Variants in CCDC66 observed in about 807,000 individuals in gnomAD.
CCDC66 encodes the protein coiled-coil domain containing 66, also known as coiled-coil domain-containing protein 66.
Under a neutral mutation model 128.3 loss-of-function variants are expected in CCDC66, and 133 were observed. The ratio of observed to expected loss-of-function variants is 1.04; its 90% confidence interval spans 0.90 to 1.20. The LOEUF is 1.20. Among genes scored for constraint, CCDC66 ranks in the 50% most tolerant of loss-of-function variants. The pLI is 0.00. For missense variants in CCDC66, 1,126 were observed against 1,075.5 expected (o/e 1.05, Z -0.66); for synonymous variants, 387 against 357.0 (o/e 1.08, Z -0.95).
intron 2 of CCDC66, 137 bp from the exon 3 acceptor site, chr3:56,559,432 C>G: frequency 1.8e-6 from 1 of 565,570 alleles, no homozygotes. Flanking sequence ...AATACTCAGT[C>G]AAGATCTAAA....
chr3:56,598,308 C>T (rs1422067248), intron 10 of CCDC66, among the ~76,000 whole-genome samples: 1 of 151,812 alleles, frequency 6.6e-6, no homozygotes, highest in Non-Finnish European at 1.5e-5. Flanking sequence ...CAGGTGTGTG[C>T]CACCATGCCT....
intron 10 of CCDC66, among the ~76,000 whole-genome samples, chr3:56,595,876 C>A (rs1347145209): frequency 6.6e-6 from 1 of 152,118 alleles, no homozygotes; most frequent in East Asian, 1.9e-4. Context: ...TCTCCGCTTC[C>A]TTGGCAGTAT....
intron 16 of CCDC66, 57 bp downstream of exon 16, chr3:56,619,584 C>G: frequency 1.6e-6 from 2 of 1,230,770 alleles, no homozygotes; most frequent in Admixed American, 7.8e-5. Flanking sequence ...TAAACCCCGT[C>G]AACAACTTTA....
At chr3:56,577,877 G>C (rs1401151463) in intron 7 of CCDC66, among the ~76,000 whole-genome samples, 1 of 151,728 alleles carries the variant, frequency 6.6e-6, no homozygotes, top group Non-Finnish European at 1.5e-5. Flanking sequence ...TGTTCTTTTT[G>C]GTTAGGATTG....
intron 10 of CCDC66, among the ~76,000 whole-genome samples, chr3:56,610,898 T>G (rs1290501816): frequency 6.6e-6 from 1 of 152,224 alleles, no homozygotes; most frequent in Non-Finnish European, 1.5e-5. Flanking sequence ...GGGAGTTGTC[T>G]GCACAGAGTG....
At chr3:56,583,954 G>A (rs369677178) in intron 7 of CCDC66, among the ~76,000 whole-genome samples, 3,672 of 133,122 alleles carry the variant, frequency 0.028, 146 homozygotes, top group Middle Eastern at 0.079. Flanking sequence ...CGGACGGGGC[G>A]GCTGGCCGGG....
In CCDC66 at chr3:56,615,130, A is replaced by C; in HGVS notation, c.1569A>C (p.Glu523Asp). The change falls in exon 12 of 18, where the codon GAA (glutamate) becomes GAC (aspartate). Residue 523 changes from glutamate to aspartate, a missense_variant and splice_region_variant. Glu to Asp is a conservative substitution (Grantham distance 45). Transcript: ENST00000394672. ...EDILKQKQKEEIMTLKTNELF... is the reference protein window; with the variant it reads ...EDILKQKQKEDIMTLKTNELF... ...TAGTAACACATCAATATTGACAGGA[A>C]ATCATGACTCTCAAGACAAATGAGC... 6.2e-7 allele frequency: 1 copy of C among 1,613,412 alleles called. No individual in the cohort carries two copies. The highest frequency in any genetic ancestry group is 8.5e-7 in the Non-Finnish European group (1 of 1,179,784).
At chr3:56,600,600 G>A (rs1036378245) in intron 10 of CCDC66, among the ~76,000 whole-genome samples, 1 of 151,996 alleles carries the variant, frequency 6.6e-6, no homozygotes, top group Non-Finnish European at 1.5e-5. Flanking sequence ...CCCACCAACA[G>A]TGTAAAAGCG....
intron 8 of CCDC66, 65 bp downstream of exon 8, chr3:56,593,166 C>CT: frequency 7.7e-7 from 1 of 1,295,742 alleles, no homozygotes. Context: ...TCAATTAAAA[C>CT]TAGAAGTATT....
intron 6 of CCDC66, chr3:56,569,498 A>G (rs1577319141): frequency 6.3e-6 from 1 of 159,786 alleles, no homozygotes; most frequent in East Asian, 1.7e-4. Flanking sequence ...CATCATCCCA[A>G]GGGGATGGCA....
intron 7 of CCDC66, chr3:56,572,572 C>CCTTCATTTCTTT: frequency 1.9e-5 from 2 of 105,510 alleles, no homozygotes; most frequent in South Asian, 4.8e-5. Context: ...GCTTCATTTG[C>CCTTCATTTCTTT]TATCCCTTCC....
At chr3:56,595,607 C>G (rs2071734941) in intron 10 of CCDC66, among the ~76,000 whole-genome samples, 1 of 152,100 alleles carries the variant, frequency 6.6e-6, no homozygotes, top group Non-Finnish European at 1.5e-5. Context: ...AAATAGTATC[C>G]CATTGTGTAT....
Position 56,615,869 on chromosome 3 carries a change from T to G in CCDC66, c.1712-53T>G, listed in dbSNP as rs2075427865. On this transcript the variant is annotated intron_variant, in intron 12 of 17. Coordinates refer to ENST00000394672, the MANE Select transcript of CCDC66 (RefSeq NM_001141947.3). The stretch of plus-strand genomic sequence containing the variant: ...TGTATTTAGTTGCTGCTATACATAA[T>G]TTTTATTAATATTCCTTAAGTGTTG... 10 of 1,471,442 alleles carry G rather than the reference T, an allele frequency of 6.8e-6. No homozygotes were observed. In the South Asian group the frequency reaches 9.8e-5, roughly 14 times the overall value. The allele number at this position is 1,471,442 out of a possible 1,614,324, so 91.1% of individuals were successfully genotyped here.
At chr3:56,617,882 T>A in intron 14 of CCDC66, 1 of 569,000 alleles carries the variant, frequency 1.8e-6, no homozygotes, top group Non-Finnish European at 3.1e-6. Flanking sequence ...GGTTTCCTTA[T>A]GCTTATCGAG....
In CCDC66 at chr3:56,581,485, G is replaced by A. The variant is rs149738874; in HGVS notation, c.936+10183G>A. Among the ~76,000 whole-genome samples, 927 of 151,944 alleles carry A rather than the reference G, an allele frequency of 6.1e-3. 9 individuals carry two copies. Among genetic ancestry groups the A allele is most frequent in the African/African-American group, 0.019 (802 of 41,548 alleles). ...AGCTATGTTCCTTTGGAGGAGAAGA[G>A]GTGCTCTGATTTTTAGAATTTTCAG... is the stretch of plus-strand genomic sequence containing the variant. On this transcript the variant is annotated intron_variant, in intron 7 of 17. Coordinates refer to ENST00000394672, the MANE Select transcript of CCDC66 (RefSeq NM_001141947.3).
chr3:56,573,172 A>G (rs2066872228), intron 7 of CCDC66, among the ~76,000 whole-genome samples: 1 of 152,218 alleles, frequency 6.6e-6, no homozygotes, highest in Admixed American at 6.5e-5. Context: ...TAGGTCATTT[A>G]TTATCTGGGG....
intron 6 of CCDC66, 141 bp from the exon 7 acceptor site, chr3:56,571,040 C>T: frequency 9.3e-6 from 5 of 534,920 alleles, no homozygotes; most frequent in African/African-American, 2.0e-5. Context: ...AATTATTCTC[C>T]ACTTTGTGAG....
At chr3:56,569,691 C>T (rs73081823) in intron 6 of CCDC66, 58,101 of 151,714 alleles carry the variant, frequency 0.38, 13,692 homozygotes, top group Non-Finnish European at 0.54. Context: ...GAAGGTTTGG[C>T]GGTCTTGATG....
intron 11 of CCDC66, among the ~76,000 whole-genome samples, chr3:56,614,449 C>G (rs114864801): frequency 0.019 from 2,921 of 152,126 alleles, 93 homozygotes; most frequent in African/African-American, 0.067. Context: ...GAATAATTGG[C>G]TGGGATTGAT....
Sources: gnomAD v4.1 joint callset for allele counts (sites outside exome capture counted in the v4.1 genomes callset) on GRCh38, gnomAD v4.1.1 for gene constraint, MANE v1.5 for transcripts, NCBI Gene and HGNC (gene_info 2026-07-23, HGNC 2026-07-21) for gene names.